The following FERRY3 variants were observed in gnomAD, a reference collection of about 807,000 sequenced individuals.
FERRY3 encodes the protein FERRY endosomal RAB5 effector complex subunit 3.
chr12:4,499,187 GATTT>G, the FERRY3 span, among the ~76,000 whole-genome samples: 201 of 152,264 alleles, frequency 1.3e-3, 2 homozygotes, highest in African/African-American at 4.7e-3. Context: ...CCCAGTCAGT[GATTT>G]ATTTAAGAGA....
the FERRY3 span, among the ~76,000 whole-genome samples, chr12:4,492,331 A>G: frequency 6.6e-6 from 1 of 152,174 alleles, no homozygotes; most frequent in Non-Finnish European, 1.5e-5. Flanking sequence ...TCTGCATTCA[A>G]TCTGTTATAT....
At chr12:4,488,996 G>C in the FERRY3 span, 1 of 152,408 alleles carries the variant, frequency 6.6e-6, no homozygotes, top group Non-Finnish European at 1.5e-5. This position sits in a 1 kb window ranked among gnomAD's most constrained non-coding sequence, Gnocchi z 4.9. Flanking sequence ...GTAGAGGAAT[G>C]GTTAAGCAAG....
At chr12:4,493,735 G>GT in the FERRY3 span, among the ~76,000 whole-genome samples, 2 of 152,106 alleles carry the variant, frequency 1.3e-5, no homozygotes, top group African/African-American at 2.4e-5. Context: ...CAAGTGTTTG[G>GT]TTTTTTTGTA....
the FERRY3 span, chr12:4,534,192 G>A: frequency 6.2e-7 from 1 of 1,611,020 alleles, no homozygotes; most frequent in Non-Finnish European, 8.5e-7. Context: ...CTCGCCAGCT[G>A]ATGTAAATCT....
At chr12:4,509,381 TGG>T in the FERRY3 span, 2 of 163,546 alleles carry the variant, frequency 1.2e-5, no homozygotes, top group Non-Finnish European at 2.6e-5. Context: ...AAGCTCCAAC[TGG>T]GCAGAGCCCA....
the FERRY3 span, among the ~76,000 whole-genome samples, chr12:4,535,406 A>G: frequency 6.6e-6 from 1 of 152,314 alleles, no homozygotes; most frequent in East Asian, 1.9e-4. This position sits in a 1 kb window ranked among gnomAD's most constrained non-coding sequence, Gnocchi z 4.0. Flanking sequence ...TAGGGTAAAT[A>G]ATTTAACCTC....
chr12:4,526,884 A>G, the FERRY3 span, among the ~76,000 whole-genome samples: 45 of 151,944 alleles, frequency 3.0e-4, no homozygotes, highest in East Asian at 7.7e-3. Flanking sequence ...TATAACACTG[A>G]TTAAGATATA....
chr12:4,500,866 T>C, the FERRY3 span, among the ~76,000 whole-genome samples: 5 of 152,336 alleles, frequency 3.3e-5, no homozygotes, highest in East Asian at 9.7e-4. Flanking sequence ...TTGGCTAGGA[T>C]GGCCTCCATC....
At chr12:4,504,224 G>C in the FERRY3 span, among the ~76,000 whole-genome samples, 2 of 152,224 alleles carry the variant, frequency 1.3e-5, no homozygotes, top group African/African-American at 2.4e-5. Flanking sequence ...GCGGTTTCGT[G>C]TGTAGGTTAA....
At chr12:4,506,854 T>C in the FERRY3 span, among the ~76,000 whole-genome samples, 5 of 152,294 alleles carry the variant, frequency 3.3e-5, no homozygotes, top group African/African-American at 1.2e-4. Context: ...AGTAATTGCA[T>C]ATCAGGATGT....
At chr12:4,524,598 A>T in the FERRY3 span, among the ~76,000 whole-genome samples, 23 of 152,342 alleles carry the variant, frequency 1.5e-4, no homozygotes, top group Admixed American at 7.8e-4. Context: ...CATATGCTGG[A>T]AATAGGATTA....
the FERRY3 span, chr12:4,536,002 A>T: frequency 6.6e-7 from 1 of 1,517,610 alleles, no homozygotes; most frequent in Non-Finnish European, 8.8e-7. Context: ...ACTTAAAAAA[A>T]AAAACAGTCC....
At chr12:4,497,426 A>C in the FERRY3 span, among the ~76,000 whole-genome samples, 1 of 152,172 alleles carries the variant, frequency 6.6e-6, no homozygotes, top group South Asian at 2.1e-4. Context: ...ATCTGCATAT[A>C]TGTTATATAT....
chr12:4,525,093 A>G, the FERRY3 span: 2 of 833,500 alleles, frequency 2.4e-6, no homozygotes, highest in Non-Finnish European at 1.8e-6. Flanking sequence ...ATCCACATAA[A>G]GCCTATAATG....
the FERRY3 span, chr12:4,534,283 A>T: frequency 1.2e-6 from 2 of 1,609,560 alleles, no homozygotes; most frequent in Non-Finnish European, 1.7e-6. Context: ...CTATAAACTG[A>T]GTCAGAGCTT....
the FERRY3 span, among the ~76,000 whole-genome samples, chr12:4,494,889 T>C: frequency 6.6e-6 from 1 of 152,256 alleles, no homozygotes; most frequent in Non-Finnish European, 1.5e-5. Context: ...GAGATTTAAA[T>C]CTATAGATCA....
the FERRY3 span, chr12:4,534,391 C>G: frequency 7.2e-7 from 1 of 1,386,802 alleles, no homozygotes; most frequent in African/African-American, 1.5e-5. Context: ...AATGTGAAAT[C>G]TTATTGTTAA....
At chr12:4,512,095 G>C in the FERRY3 span, among the ~76,000 whole-genome samples, 1 of 129,122 alleles carries the variant, frequency 7.7e-6, no homozygotes, top group Admixed American at 7.9e-5. Context: ...ACTACCATCA[G>C]AGAATACTAC....
the FERRY3 span, among the ~76,000 whole-genome samples, chr12:4,522,791 T>TA: frequency 6.6e-6 from 1 of 152,170 alleles, no homozygotes; most frequent in African/African-American, 2.4e-5. Context: ...CATCACTGAG[T>TA]AAATGGATAA....
Sources: gnomAD v4.1 joint callset for allele counts (sites outside exome capture counted in the v4.1 genomes callset) on GRCh38, gnomAD v4.1.1 for gene constraint, Gnocchi (gnomAD v3.1) non-coding constraint, MANE v1.5 for transcripts, NCBI Gene and HGNC (gene_info 2026-07-23, HGNC 2026-07-21) for gene names.